GRIK2: variants seen among roughly 807,000 people sequenced by gnomAD.
GRIK2 encodes glutamate ionotropic receptor kainate type subunit 2.
A neutral mutation model predicts 100.3 loss-of-function variants in GRIK2; 32 were observed. That is an observed-to-expected ratio of 0.32 (90% CI 0.24 to 0.43). The LOEUF (loss-of-function observed/expected upper bound fraction) is 0.43. GRIK2 is among the 20% of genes least tolerant of loss of function. GRIK2 has a pLI of 1.00. For synonymous variants in GRIK2, 417 were observed against 389.4 expected (o/e 1.07, Z -0.83); for missense variants, 843 against 1,114.9 (o/e 0.76, Z 3.47).
intron 14 of GRIK2, among the ~76,000 whole-genome samples, chr6:101,976,968 TTAAC>T (rs1244674948): frequency 2.0e-5 from 3 of 151,988 alleles, no homozygotes; most frequent in South Asian, 4.2e-4. Context: ...AGTTAAGCCT[TTAAC>T]TAGCTGTCCA....
In GRIK2 at chr6:102,031,111, ACACACACACACACACACC is replaced by A. The variant is rs200216318; in HGVS notation, c.2086-4228_2086-4211del. ...CACACACACACACACACACACACAC[ACACACACACACACACACC>A]CCCTTTGAGTTTCTGGATGTCTTTC... On this transcript the variant is annotated intron_variant, in intron 14 of 16. Transcript: ENST00000369134. Among the ~76,000 whole-genome samples the A allele has an allele frequency of 2.2e-3, 314 of 142,652 alleles. 9 individuals are homozygous for A. The East Asian group carries it at 0.048, about 22-fold the overall frequency. The allele number at this position is 142,652 out of a possible 152,430, so 93.6% of individuals were successfully genotyped here. A position where few individuals can be genotyped will look rare whatever the true frequency, so the allele number is the denominator to read the frequency against.
Position 101,545,854 on chromosome 6 carries a change from C to T in GRIK2, c.116-76095C>T, listed in dbSNP as rs141645931. On this transcript the variant is annotated intron_variant, in intron 2 of 16. Transcript: ENST00000369134. ...CCCTTTCATAATTAGCTGTATTATA[C>T]ATCTGATTTTTGATTTCTTACTTTA... Among the ~76,000 whole-genome samples the T allele has an allele frequency of 2.3e-4, 35 of 152,138 alleles. No homozygotes were observed. The East Asian group carries it at 5.2e-3, about 23-fold the overall frequency.
At chr6:101,788,634 A>C (rs1468251077) in intron 7 of GRIK2, among the ~76,000 whole-genome samples, 1 of 152,152 alleles carries the variant, frequency 6.6e-6, no homozygotes, top group Non-Finnish European at 1.5e-5. Flanking sequence ...GGTTGGATCC[A>C]AGTCTTTGCT....
At chr6:101,598,752 C>G (rs530421861) in intron 2 of GRIK2, among the ~76,000 whole-genome samples, 10 of 151,520 alleles carry the variant, frequency 6.6e-5, no homozygotes, top group Non-Finnish European at 1.2e-4. Context: ...ATTATTTCTT[C>G]CCTGCTAAAG....
At chr6:102,060,375 A>G (rs1771685786) in intron 16 of GRIK2, among the ~76,000 whole-genome samples, 1 of 150,782 alleles carries the variant, frequency 6.6e-6, no homozygotes, top group Non-Finnish European at 1.5e-5. Flanking sequence ...GGGGATGATA[A>G]GAAGAAAATC....
intron 14 of GRIK2, among the ~76,000 whole-genome samples, chr6:101,966,434 G>A (rs1792679647): frequency 6.6e-6 from 1 of 152,104 alleles, no homozygotes; most frequent in Non-Finnish European, 1.5e-5. Flanking sequence ...AGTAACAGAA[G>A]TAATAGAGTT....
chr6:101,954,829 T>C (rs1217255006), intron 14 of GRIK2, among the ~76,000 whole-genome samples: 10 of 152,126 alleles, frequency 6.6e-5, no homozygotes, highest in Non-Finnish European at 1.3e-4. Context: ...ATTATTACAT[T>C]AGGTGTGGAT....
At chr6:101,816,138 C>G (rs1781614881) in intron 9 of GRIK2, among the ~76,000 whole-genome samples, 2 of 151,864 alleles carry the variant, frequency 1.3e-5, no homozygotes, top group Non-Finnish European at 2.9e-5. Flanking sequence ...TGAAAACTTT[C>G]TAAGGTTTTA....
chr6:101,597,988 T>A (rs1386631511), intron 2 of GRIK2, among the ~76,000 whole-genome samples: 1 of 151,598 alleles, frequency 6.6e-6, no homozygotes, highest in African/African-American at 2.4e-5. Context: ...ATGAACAAAA[T>A]CTCTAGTCCT....
At chr6:101,696,013 C>T (rs181166912) in intron 7 of GRIK2, among the ~76,000 whole-genome samples, 95 of 151,978 alleles carry the variant, frequency 6.3e-4, no homozygotes, top group African/African-American at 2.2e-3. Context: ...GCTGCACCAT[C>T]GTTAAGTAGG....
intron 2 of GRIK2, among the ~76,000 whole-genome samples, chr6:101,449,255 A>G (rs9498592): frequency 1.6e-3 from 236 of 151,784 alleles, no homozygotes; most frequent in African/African-American, 5.5e-3. Context: ...TATCTCTCTC[A>G]TTTGTAAGAA....
intron 2 of GRIK2, among the ~76,000 whole-genome samples, chr6:101,525,714 T>C (rs963366774): frequency 6.6e-6 from 1 of 152,196 alleles, no homozygotes; most frequent in Non-Finnish European, 1.5e-5. Flanking sequence ...CCCCACTTTA[T>C]AAAAAATAAG....
chr6:101,551,589 A>G (rs1776509875), intron 2 of GRIK2, among the ~76,000 whole-genome samples: 1 of 152,146 alleles, frequency 6.6e-6, no homozygotes, highest in African/African-American at 2.4e-5. Context: ...TTTAATAAAC[A>G]AGAATTTGTT....
intron 10 of GRIK2, among the ~76,000 whole-genome samples, chr6:101,842,426 C>T (rs1300793495): frequency 6.6e-6 from 1 of 152,100 alleles, no homozygotes; most frequent in African/African-American, 2.4e-5. Flanking sequence ...TCCCTTCTCT[C>T]ACATCTAATG....
intron 2 of GRIK2, among the ~76,000 whole-genome samples, chr6:101,449,024 A>G (rs545765856): frequency 5.3e-5 from 8 of 151,736 alleles, no homozygotes; most frequent in Admixed American, 4.0e-4. Context: ...TACATCCATT[A>G]CCATTATGTT....
intron 14 of GRIK2, among the ~76,000 whole-genome samples, chr6:101,975,809 G>GTCTATCTATCTA (rs71028093): frequency 0.21 from 30,343 of 147,230 alleles, 3,291 homozygotes; most frequent in East Asian, 0.3. Flanking sequence ...CTATCTATCT[G>GTCTATCTATCTA]TCTATCTATC....
chr6:101,584,724 A>G lies in GRIK2; in HGVS notation c.116-37225A>G, dbSNP rs184639739. On this transcript the variant is annotated intron_variant, in intron 2 of 16. Transcript: ENST00000369134. ...CAGCATAACTACCCAAAGTTATAAT[A>G]TACCTAGAAAACTCAAAGAGAAAGA... 1.1e-3 allele frequency among the ~76,000 whole-genome samples: 170 copies of G among 152,176 alleles called. 1 individual carries two copies. Among genetic ancestry groups the G allele is most frequent in the African/African-American group, 3.8e-3 (160 of 41,570 alleles).
At chr6:101,762,292 A>T (rs1777773427) in intron 7 of GRIK2, among the ~76,000 whole-genome samples, 1 of 151,880 alleles carries the variant, frequency 6.6e-6, no homozygotes, top group African/African-American at 2.4e-5. Flanking sequence ...CTCCCATCTC[A>T]GCCTCCCAAG....
At chr6:101,558,883 G>C (rs1463345778) in intron 2 of GRIK2, among the ~76,000 whole-genome samples, 1 of 151,358 alleles carries the variant, frequency 6.6e-6, no homozygotes, top group Admixed American at 6.6e-5. Flanking sequence ...TTCTTTTTCT[G>C]TATGTCAATT....
Sources: gnomAD v4.1 joint callset for allele counts (sites outside exome capture counted in the v4.1 genomes callset) on GRCh38, gnomAD v4.1.1 for gene constraint, MANE v1.5 for transcripts, NCBI Gene and HGNC (gene_info 2026-07-23, HGNC 2026-07-21) for gene names.